The following SLC8A3 variants were observed in gnomAD, a reference collection of about 807,000 sequenced individuals.
The protein encoded by SLC8A3 is sodium/calcium exchanger 3.
SLC8A3 carries 37 observed loss-of-function variants against 65.4 expected under a neutral mutation model. The observed-to-expected ratio is 0.57, with a 90% CI of 0.44 to 0.74. SLC8A3 has a LOEUF of 0.74. Ranked by LOEUF, SLC8A3 falls within the 30% of genes least tolerant of loss-of-function variation. The pLI is 0.00. For missense variants in SLC8A3, 1,112 were observed against 1,172.1 expected, an observed-to-expected ratio of 0.95 and a Z score of 0.75; for synonymous variants, 461 against 444.5, an observed-to-expected ratio of 1.04 and a Z score of -0.47.
At chr14:70,084,241 A>G (rs1014352905) in intron 2 of SLC8A3, among the ~76,000 whole-genome samples, 1 of 152,224 alleles carries the variant, frequency 6.6e-6, no homozygotes, top group Admixed American at 6.5e-5. Flanking sequence ...ATTTTCCAAG[A>G]TGGAGGTGGT....
intron 1 of SLC8A3, among the ~76,000 whole-genome samples, chr14:70,184,497 A>G (rs962231688): frequency 6.6e-6 from 1 of 151,976 alleles, no homozygotes; most frequent in Non-Finnish European, 1.5e-5. Flanking sequence ...CACTCATAAC[A>G]CTTTCTCCCT....
chr14:70,160,310 T>C (rs1896809896), intron 2 of SLC8A3, among the ~76,000 whole-genome samples: 1 of 152,116 alleles, frequency 6.6e-6, no homozygotes, highest in Non-Finnish European at 1.5e-5. Context: ...CCAGGCGTGG[T>C]GACATGCGTC....
At chr14:70,099,261 T>C (rs558509849) in intron 2 of SLC8A3, among the ~76,000 whole-genome samples, 1 of 152,338 alleles carries the variant, frequency 6.6e-6, no homozygotes, top group Non-Finnish European at 1.5e-5. Context: ...TTGTAAGGTT[T>C]GTAAATTTTA....
chr14:70,064,199 C>G (rs551098277), intron 2 of SLC8A3, among the ~76,000 whole-genome samples: 1 of 152,330 alleles, frequency 6.6e-6, no homozygotes, highest in Admixed American at 6.5e-5. Flanking sequence ...GCTCTGAGTT[C>G]TAATCCTGGA....
At chr14:70,140,323 C>T (rs1175795183) in intron 2 of SLC8A3, among the ~76,000 whole-genome samples, 1 of 152,152 alleles carries the variant, frequency 6.6e-6, no homozygotes, top group Non-Finnish European at 1.5e-5. Context: ...TATCACTGCA[C>T]ACTTACAGCG....
Position 70,104,283 on chromosome 14 carries a change from A to T in SLC8A3, c.1785-43344T>A, listed in dbSNP as rs142648143. On this transcript the variant is annotated intron_variant, in intron 2 of 6. Transcript: ENST00000356921. ...TAATTTTATCAATCACCTCATTGTC[A>T]TATATAGAATTTTATACCCAATGAC... 4.4e-3 allele frequency among the ~76,000 whole-genome samples: 663 copies of T among 152,304 alleles called. 4 individuals carry two copies. The highest frequency in any genetic ancestry group is 0.015 in the African/African-American group (605 of 41,580).
At chr14:70,054,509 G>A (rs1010789930) in intron 3 of SLC8A3, among the ~76,000 whole-genome samples, 1 of 151,646 alleles carries the variant, frequency 6.6e-6, no homozygotes, top group Non-Finnish European at 1.5e-5. Flanking sequence ...ATGCATTTAT[G>A]TGAGGGGGGG....
intron 2 of SLC8A3, among the ~76,000 whole-genome samples, chr14:70,144,866 G>C: frequency 6.6e-6 from 1 of 152,116 alleles, no homozygotes. Flanking sequence ...TGAACTCCAT[G>C]AATTTCAGGC....
intron 1 of SLC8A3, among the ~76,000 whole-genome samples, chr14:70,174,665 T>TTTG (rs796303283): frequency 1.3e-4 from 8 of 61,014 alleles, no homozygotes; most frequent in African/African-American, 2.0e-4. Context: ...TTTTTTTGTT[T>TTTG]TTTTTTTTTT....
chr14:70,107,586 C>T (rs980273443), intron 2 of SLC8A3, among the ~76,000 whole-genome samples: 1 of 152,086 alleles, frequency 6.6e-6, no homozygotes, highest in African/African-American at 2.4e-5. Context: ...CATGCGAATA[C>T]CATCCAGTGG....
In SLC8A3 at chr14:70,048,895, A is replaced by G. The variant is rs141250639; in HGVS notation, c.2261T>C (p.Val754Ala). 2.4e-5 allele frequency: 38 copies of G among 1,613,976 alleles called. No homozygotes were observed. In the African/African-American group the frequency reaches 4.8e-4, roughly 20 times the overall value. The change falls in exon 6 of 7, where the codon GTC becomes GCC. Residue 754 changes from valine (V) to alanine (A), a missense_variant. Val to Ala is a moderately conservative substitution (Grantham distance 64). Transcript: ENST00000356921. ...EYCHGWACFA[V>A]SILIIGMLTA... Reference sequence around the variant, plus strand: ...GAGCATGCCAATGATGAGGATGGAGACGGCGAAGCAGGCCCAGCCGTGGCA... The same window carrying G: ...GAGCATGCCAATGATGAGGATGGAGGCGGCGAAGCAGGCCCAGCCGTGGCA...
chr14:70,077,355 C>T (rs1475993765), intron 2 of SLC8A3, among the ~76,000 whole-genome samples: 1 of 152,204 alleles, frequency 6.6e-6, no homozygotes, highest in African/African-American at 2.4e-5. Context: ...TTGCACTGTA[C>T]CTGCTGCCCC....
intron 2 of SLC8A3, among the ~76,000 whole-genome samples, chr14:70,109,847 A>G (rs940536749): frequency 2.0e-5 from 3 of 152,196 alleles, no homozygotes; most frequent in African/African-American, 4.8e-5. Context: ...TGACCTCTAT[A>G]ATATCATGGA....
intron 3 of SLC8A3, among the ~76,000 whole-genome samples, chr14:70,055,097 G>A (rs1887934623): frequency 6.6e-6 from 1 of 152,030 alleles, no homozygotes. Context: ...CAAAGTAGGT[G>A]TACGTCCTCT....
chr14:70,166,932 C>A lies in SLC8A3; in HGVS notation c.1491G>T (p.Gly497=), dbSNP rs150930612. 1.2e-6 allele frequency: 2 copies of A among 1,614,126 alleles called. No homozygotes were observed. The highest frequency in any genetic ancestry group is 1.1e-5 in the South Asian group (1 of 91,078). ...VRIEEEQPEE[G]MPPAIFNSLP... ...GACTGTTGAATATTGCTGGAGGCATCCCCTCCTCTGGCTGCTCCTCCTCTA... is the reference window on the plus strand; with the variant it reads ...GACTGTTGAATATTGCTGGAGGCATACCCTCCTCTGGCTGCTCCTCCTCTA... The change falls in exon 2 of 7, where the codon GGG becomes GGT. Residue 497 remains glycine (G), a synonymous_variant. Transcript: ENST00000356921.
intron 1 of SLC8A3, among the ~76,000 whole-genome samples, chr14:70,186,204 C>T (rs1268239582): frequency 6.6e-5 from 10 of 152,124 alleles, no homozygotes; most frequent in Admixed American, 6.6e-5. Context: ...TTCTTGCTGC[C>T]GCCATGTGAA....
rs1888734386 is a variant in SLC8A3, at chr14:70,060,934, G to A, written c.1790C>T (p.Thr597Ile). The A allele has an allele frequency of 1.4e-6, 2 of 1,456,892 alleles. No homozygotes were observed. Among genetic ancestry groups the A allele is most frequent in the Admixed American group, 2.3e-5 (1 of 44,118 alleles). 90.2% of individuals were successfully genotyped at this position (1,456,892 alleles called of 1,614,324 possible). A position where few individuals can be genotyped will look rare whatever the true frequency, so the allele number is the denominator to read the frequency against. Residue 597 changes from threonine to isoleucine, a missense_variant, in exon 3 of 7, where the codon ACC becomes ATC. Physicochemically the swap from Thr to Ile is moderately conservative, Grantham distance 89. Coordinates refer to ENST00000356921, the MANE Select transcript of SLC8A3 (RefSeq NM_182932.3). ...CTCATCTACTATTTTAACCCTTATG[G>A]TTTTCCTGTAGGGACAACAAGAGAG... The part of the protein sequence containing the change: ...LEFKNDETVK[T>I]IRVKIVDEEE...
intron 2 of SLC8A3, among the ~76,000 whole-genome samples, chr14:70,143,959 T>G (rs75354259): frequency 0.049 from 7,482 of 152,220 alleles, 222 homozygotes; most frequent in Middle Eastern, 0.075. Flanking sequence ...CAGTTAGTCA[T>G]TCCCTCTCGT....
At chr14:70,160,790 C>G (rs1471689513) in intron 2 of SLC8A3, among the ~76,000 whole-genome samples, 2 of 150,378 alleles carry the variant, frequency 1.3e-5, no homozygotes, top group African/African-American at 4.9e-5. Flanking sequence ...CTCCACAGAA[C>G]TTGGGGTGTT....
Sources: allele counts gnomAD v4.1 joint callset (sites outside exome capture counted in the v4.1 genomes callset), GRCh38; gene constraint gnomAD v4.1.1; transcripts MANE v1.5; gene names NCBI Gene and HGNC (gene_info 2026-07-23, HGNC 2026-07-21).